Variants in RSBN1 observed in about 807,000 individuals in gnomAD.
RSBN1 encodes the protein lysine-specific demethylase 9.
A neutral mutation model predicts 74.8 loss-of-function variants in RSBN1; 23 were observed. That is an observed-to-expected ratio of 0.31 (90% CI 0.22 to 0.44). The LOEUF (loss-of-function observed/expected upper bound fraction) is 0.44. RSBN1 is among the 20% of genes least tolerant of loss of function. RSBN1 has a pLI of 1.00. For missense variants in RSBN1, 808 were observed against 1,020.9 expected (o/e 0.79, Z 2.84); for synonymous variants, 407 against 379.6 (o/e 1.07, Z -0.84).
intron 2 of RSBN1, among the ~76,000 whole-genome samples, chr1:113,780,472 C>A (rs1348287584): frequency 6.6e-6 from 1 of 152,154 alleles, no homozygotes; most frequent in Non-Finnish European, 1.5e-5. Flanking sequence ...GAATAATCAA[C>A]ATGTGACATG....
intron 4 of RSBN1, 34 bp downstream of exon 4, chr1:113,777,176 T>G (rs534797534): frequency 6.3e-7 from 1 of 1,583,644 alleles, no homozygotes; most frequent in Non-Finnish European, 8.6e-7. Flanking sequence ...TAAAAAAAAG[T>G]AGTTTTGCTT....
intron 1 of RSBN1, among the ~76,000 whole-genome samples, chr1:113,802,613 C>T (rs570907506): frequency 4.6e-5 from 7 of 152,146 alleles, no homozygotes; most frequent in Admixed American, 2.0e-4. Context: ...GTTTTAAGAG[C>T]GCTGTCTAGG....
At position 113,765,895 on chromosome 1, in the gene RSBN1, T is replaced by G. The variant is rs576332093; in HGVS notation, c.*85A>C. The G allele has an allele frequency of 1.0e-6, 1 of 969,040 alleles. No individual in the cohort carries two copies. The highest frequency in any genetic ancestry group is 1.6e-5 in the African/African-American group (1 of 60,794). 60.0% of individuals were successfully genotyped at this position (969,040 alleles called of 1,614,324 possible). A position where few individuals can be genotyped will look rare whatever the true frequency, so the allele number is the denominator to read the frequency against. ...AGAATTATAGGCAAGATTTCTCCAATAAAACTTAACTTAAGCCAGTTATAA... is the reference window on the plus strand; with the variant it reads ...AGAATTATAGGCAAGATTTCTCCAAGAAAACTTAACTTAAGCCAGTTATAA... On this transcript the variant is annotated 3_prime_UTR_variant, in exon 7 of 7. Coordinates refer to ENST00000261441, the MANE Select transcript of RSBN1 (RefSeq NM_018364.5).
chr1:113,794,919 T>C (rs1359937879), intron 2 of RSBN1, among the ~76,000 whole-genome samples: 1 of 152,218 alleles, frequency 6.6e-6, no homozygotes, highest in Middle Eastern at 3.2e-3. Context: ...TTATTATGGC[T>C]ACATATTTAA....
chr1:113,769,535 G>A (rs1257275754), intron 4 of RSBN1, among the ~76,000 whole-genome samples: 5 of 152,182 alleles, frequency 3.3e-5, no homozygotes, highest in Non-Finnish European at 5.9e-5. Context: ...ACACACAGCA[G>A]TTTATTATAT....
At chr1:113,791,843 A>C (rs1244824104) in intron 2 of RSBN1, among the ~76,000 whole-genome samples, 2 of 152,134 alleles carry the variant, frequency 1.3e-5, no homozygotes, top group Non-Finnish European at 2.9e-5. Flanking sequence ...AGGGTTTCTG[A>C]GCTATTTCCC....
At chr1:113,768,050 A>T in intron 5 of RSBN1, 172 bp downstream of exon 5, 2 of 489,862 alleles carry the variant, frequency 4.1e-6, no homozygotes, top group Non-Finnish European at 7.0e-6. Flanking sequence ...TCTGTTTCGT[A>T]ACAATGTAAA....
intron 2 of RSBN1, among the ~76,000 whole-genome samples, chr1:113,787,132 C>T (rs1013731695): frequency 6.6e-6 from 1 of 152,146 alleles, no homozygotes; most frequent in Admixed American, 6.6e-5. Context: ...CCCAGGAACA[C>T]AGTAATATAT....
intron 1 of RSBN1, among the ~76,000 whole-genome samples, chr1:113,807,992 A>C (rs1422361914): frequency 6.6e-6 from 1 of 152,112 alleles, no homozygotes; most frequent in Non-Finnish European, 1.5e-5. Context: ...AAAATTGCTA[A>C]AATAAAAATA....
intron 4 of RSBN1, among the ~76,000 whole-genome samples, chr1:113,770,614 G>A (rs1441831835): frequency 1.3e-5 from 2 of 152,076 alleles, no homozygotes; most frequent in African/African-American, 4.8e-5. Flanking sequence ...CCATTTCTAT[G>A]CCTGTTCACT....
intron 2 of RSBN1, among the ~76,000 whole-genome samples, 167 bp from the exon 3 acceptor site, chr1:113,777,975 T>C (rs796149773): frequency 5.3e-5 from 8 of 152,338 alleles, no homozygotes; most frequent in African/African-American, 1.9e-4. Context: ...CACTGACAAA[T>C]ACACTAATAC....
Position 113,766,345 on chromosome 1 carries a change from C to T in RSBN1, c.2044G>A (p.Val682Ile). Residue 682 changes from valine (V) to isoleucine (I), a missense_variant, in exon 7 of 7, where the codon GTC (valine) becomes ATC (isoleucine). Physicochemically the swap from Val to Ile is conservative, Grantham distance 29. Around this residue, in one of 6 missense-constraint regions of RSBN1, gnomAD observed 38 missense variants for 120.6 expected, o/e 0.32. Transcript: ENST00000261441. ...GAAACTGTTTTGAACTGATGAATGA[C>T]ATTTCTAGGGATGAAGTAGATATCA... is the stretch of plus-strand genomic sequence containing the variant. Reference protein sequence around the residue: ...DNDIYFIPRNVIHQFKTVSAV... With the variant: ...DNDIYFIPRNIIHQFKTVSAV... The T allele has an allele frequency of 6.2e-7, 1 of 1,614,070 alleles. No homozygotes were observed. Among genetic ancestry groups the T allele is most frequent in the Non-Finnish European group, 8.5e-7 (1 of 1,179,944 alleles).
chr1:113,809,189 A>G (rs1406865496), intron 1 of RSBN1, among the ~76,000 whole-genome samples: 2 of 152,224 alleles, frequency 1.3e-5, no homozygotes, highest in African/African-American at 4.8e-5. Flanking sequence ...ATAAAATAAT[A>G]AAGGCCGGTT....
At chr1:113,799,565 T>TACAC (rs66958734) in intron 1 of RSBN1, among the ~76,000 whole-genome samples, 3,632 of 141,986 alleles carry the variant, frequency 0.026, 70 homozygotes, top group East Asian at 0.079. Flanking sequence ...ATAGATGCTT[T>TACAC]ACACACACAC....
chr1:113,788,879 C>T (rs1303281414), intron 2 of RSBN1, among the ~76,000 whole-genome samples: 1 of 151,848 alleles, frequency 6.6e-6, no homozygotes, highest in Non-Finnish European at 1.5e-5. Flanking sequence ...CTTGCCCCCA[C>T]CCCGACCCAA....
At chr1:113,779,965 A>C (rs1248404419) in intron 2 of RSBN1, among the ~76,000 whole-genome samples, 1 of 152,056 alleles carries the variant, frequency 6.6e-6, no homozygotes, top group Non-Finnish European at 1.5e-5. Flanking sequence ...GTTTGCAGTG[A>C]GCCAAGATCG....
Position 113,767,086 on chromosome 1 carries a change from CATAAG to C in RSBN1, c.1935+8_1935+12del. 6.8e-7 allele frequency: 1 copy of C among 1,462,454 alleles called. No individual in the cohort carries two copies. Among genetic ancestry groups the C allele is most frequent in the Non-Finnish European group, 9.5e-7 (1 of 1,052,634 alleles). The allele number at this position is 1,462,454 out of a possible 1,614,324, so 90.6% of individuals were successfully genotyped here. A position where few individuals can be genotyped will look rare whatever the true frequency, so the allele number is the denominator to read the frequency against. Reference sequence around the variant, plus strand: ...TCTAATATCGCAAATGGTGATAAAACATAAGTTATTACCTGGGAAACTGGAGGTTC... The same window carrying C: ...TCTAATATCGCAAATGGTGATAAAACTTATTACCTGGGAAACTGGAGGTTC... On this transcript the variant is annotated splice_region_variant and intron_variant, in intron 6 of 6. Transcript: ENST00000261441.
chr1:113,774,058 C>T (rs1294721396), intron 4 of RSBN1, among the ~76,000 whole-genome samples: 1 of 151,980 alleles, frequency 6.6e-6, no homozygotes, highest in Non-Finnish European at 1.5e-5. Context: ...TACATATCTA[C>T]CAAACTTCCA....
At chr1:113,769,618 A>C (rs941272275) in intron 4 of RSBN1, among the ~76,000 whole-genome samples, 1 of 152,234 alleles carries the variant, frequency 6.6e-6, no homozygotes, top group Non-Finnish European at 1.5e-5. Flanking sequence ...ATAAGAAGCA[A>C]CAAAGGAAAT....
Sources: gnomAD v4.1 joint callset for allele counts (sites outside exome capture counted in the v4.1 genomes callset) on GRCh38, gnomAD v4.1.1 for gene constraint, gnomAD v4.1.1 regional missense constraint, MANE v1.5 for transcripts, NCBI Gene and HGNC (gene_info 2026-07-23, HGNC 2026-07-21) for gene names.